Variants in NR4A1 observed in about 807,000 individuals in gnomAD.
NR4A1 encodes the protein nuclear receptor subfamily 4immunitygroup A member 1.
Under a neutral mutation model 47.5 loss-of-function variants are expected in NR4A1, and 24 were observed. That is an observed-to-expected ratio of 0.50 (90% CI 0.37 to 0.71). The LOEUF (loss-of-function observed/expected upper bound fraction) is 0.71, where lower values mean the gene tolerates loss of function less well. Ranked by LOEUF, NR4A1 falls within the 30% of genes least tolerant of loss-of-function variation. NR4A1 has a pLI of 0.00. For missense variants in NR4A1, 669 were observed against 788.6 expected (o/e 0.85, Z 1.82); for synonymous variants, 353 against 345.7 (o/e 1.02, Z -0.24).
At chr12:52,057,624 C>G (rs967449048) in intron 6 of NR4A1, 94 bp downstream of exon 6, 7 of 1,433,234 alleles carry the variant, frequency 4.9e-6, no homozygotes, top group Non-Finnish European at 6.7e-6. Flanking sequence ...TTTGGTGGGC[C>G]GGGATCTAGC....
intron 2 of NR4A1, chr12:52,043,403 T>C (rs750218342): frequency 4.9e-6 from 1 of 204,952 alleles, no homozygotes; most frequent in Admixed American, 5.3e-5. Context: ...TACCTCGTTG[T>C]CTGGGTGATG....
chr12:52,046,631 A>G (rs776510460), upstream of NR4A1, among the ~76,000 whole-genome samples: 8 of 152,224 alleles, frequency 5.3e-5, no homozygotes, highest in Non-Finnish European at 1.0e-4. Context: ...AATAAATTAC[A>G]TCTGCATCTG....
chr12:52,037,051 C>A (rs1433218101), intron 1 of NR4A1: 1 of 151,342 alleles, frequency 6.6e-6, no homozygotes, highest in Non-Finnish European at 1.5e-5. Context: ...TATTTTTAGC[C>A]CCATTGATGA....
At chr12:52,031,995 C>T (rs1938138304) in intron 1 of NR4A1, among the ~76,000 whole-genome samples, 1 of 152,038 alleles carries the variant, frequency 6.6e-6, no homozygotes. Flanking sequence ...GGGGTTTCAC[C>T]ATGTTGGTCA....
intron 1 of NR4A1, among the ~76,000 whole-genome samples, chr12:52,027,258 T>C (rs1009828849): frequency 3.3e-5 from 5 of 152,180 alleles, no homozygotes; most frequent in Non-Finnish European, 7.4e-5. Context: ...GGAGACGTGA[T>C]GAATGGTCCC....
intron 1 of NR4A1, among the ~76,000 whole-genome samples, chr12:52,041,059 G>C (rs1565643024): frequency 6.6e-6 from 1 of 152,144 alleles, no homozygotes; most frequent in African/African-American, 2.4e-5. Context: ...AGGTGCCCAG[G>C]GTACCTTGGA....
chr12:52,034,513 T>C (rs1384419527), intron 1 of NR4A1, among the ~76,000 whole-genome samples: 3 of 152,156 alleles, frequency 2.0e-5, no homozygotes, highest in African/African-American at 7.2e-5. Context: ...CTATCTGCAA[T>C]AGGGGCTGTG....
In NR4A1 at chr12:52,055,189, C is replaced by T. The variant is rs753931294; in HGVS notation, c.861C>T (p.Cys287=). The change falls in exon 2 of 7, where the codon TGC becomes TGT. Residue 287 remains cysteine (C), a synonymous_variant. Coordinates refer to ENST00000394825, the MANE Select transcript of NR4A1 (RefSeq NM_173157.3). ...ATGGTGTCCGCACATGTGAGGGCTG[C>T]AAGGGCTTCTTCAAGGTACCGCGCA... ...QHYGVRTCEG[C]KGFFKRTVQK... The T allele has an allele frequency of 1.9e-6, 3 of 1,613,128 alleles. No homozygotes were observed. Among genetic ancestry groups the T allele is most frequent in the Non-Finnish European group, 1.7e-6 (2 of 1,180,046 alleles).
Position 52,054,474 on chromosome 12 carries a change from C to T in NR4A1, c.146C>T (p.Ala49Val), listed in dbSNP as rs1362176174. The change falls in exon 2 of 7, where the codon GCC (alanine) becomes GTC (valine). Residue 49 changes from alanine to valine, a missense_variant. Ala to Val is a moderately conservative substitution (Grantham distance 64, BLOSUM62 0). Coordinates refer to ENST00000394825, the MANE Select transcript of NR4A1 (RefSeq NM_173157.3). ...GAGGCAGCCCCCGCTGCCCCCACTG[C>T]CCTGCCCAGCTTCAGCACCTTCATG... ...SPEAAPAAPT[A>V]LPSFSTFMDG... The T allele has an allele frequency of 1.2e-6, 2 of 1,613,870 alleles. No individual in the cohort carries two copies. Among genetic ancestry groups the T allele is most frequent in the South Asian group, 1.1e-5 (1 of 91,086 alleles).
upstream of NR4A1, among the ~76,000 whole-genome samples, chr12:52,048,466 C>T (rs570789035): frequency 1.2e-4 from 19 of 152,118 alleles, no homozygotes; most frequent in South Asian, 3.9e-3. Context: ...TGGTGGCAGG[C>T]ACCTGTAGTC....
intron 2 of NR4A1, among the ~76,000 whole-genome samples, chr12:52,045,968 T>A (rs1179046001): frequency 1.3e-5 from 2 of 152,106 alleles, no homozygotes; most frequent in Non-Finnish European, 2.9e-5. Context: ...AGTGGCCGGG[T>A]CAGGGCTGGC....
chr12:52,057,518 G>T lies in NR4A1; in HGVS notation c.1528G>T (p.Val510Phe). The T allele has an allele frequency of 6.2e-7, 1 of 1,614,044 alleles. No individual in the cohort carries two copies. The highest frequency in any genetic ancestry group is 8.5e-7 in the Non-Finnish European group (1 of 1,180,036). ...TGCCTTCGCCTGCCTCTCTGCCCTT[G>T]TCCTCATCACCGGTGAGTGACCAGC... is the stretch of plus-strand genomic sequence containing the variant. ...VPAFACLSAL[V>F]LITDRHGLQE... is the part of the protein sequence containing the mutation. Residue 510 changes from valine (V) to phenylalanine (F), a missense_variant, in exon 6 of 7, where the codon GTC becomes TTC. Coordinates refer to ENST00000394825, the MANE Select transcript of NR4A1 (RefSeq NM_173157.3).
chr12:52,034,889 T>C (rs1277930424), intron 1 of NR4A1, among the ~76,000 whole-genome samples: 1 of 152,192 alleles, frequency 6.6e-6, no homozygotes, highest in Non-Finnish European at 1.5e-5. Flanking sequence ...AGATCTGCCA[T>C]GATGTGCCAG....
rs771535392 is a variant in NR4A1, at chr12:52,057,011, G to T, written c.1159-46G>T. On this transcript the variant is annotated intron_variant, in intron 4 of 6. Transcript: ENST00000394825. ...GACACAGCCATACGTGGCAGTGGGT[G>T]TAGGAGCCTGCCTGGGGTGCTGACC... The T allele has an allele frequency of 2.6e-6, 4 of 1,521,294 alleles. No homozygotes were observed. The East Asian group carries it at 7.3e-5, about 28-fold the overall frequency. 94.2% of individuals were successfully genotyped at this position (1,521,294 alleles called of 1,614,324 possible). A position where few individuals can be genotyped will look rare whatever the true frequency, so the allele number is the denominator to read the frequency against.
At chr12:52,058,019 T>G (rs747720554) in intron 6 of NR4A1, among the ~76,000 whole-genome samples, 5 of 152,090 alleles carry the variant, frequency 3.3e-5, no homozygotes, top group African/African-American at 4.8e-5. Flanking sequence ...GATGGGAATC[T>G]CACTATGTTG....
At chr12:52,041,187 C>CT (rs1291814596) in intron 1 of NR4A1, among the ~76,000 whole-genome samples, 7 of 152,050 alleles carry the variant, frequency 4.6e-5, no homozygotes, top group African/African-American at 1.7e-4. Flanking sequence ...TACACATTAA[C>CT]TTTTTTTTAA....
Position 52,057,262 on chromosome 12 carries a change from G to A in NR4A1, c.1361+3G>A, listed in dbSNP as rs1326348990. The A allele has an allele frequency of 1.9e-6, 3 of 1,613,336 alleles. No individual in the cohort carries two copies. The highest frequency in any genetic ancestry group is 2.5e-6 in the Non-Finnish European group (3 of 1,179,750). ...TTCATCCTCCGCCTGGCGTACAGGTGAGAGCCACTGACTGTCTGCCCAGCC... is the reference window on the plus strand; with the variant it reads ...TTCATCCTCCGCCTGGCGTACAGGTAAGAGCCACTGACTGTCTGCCCAGCC... On this transcript the variant is annotated splice_donor_region_variant and intron_variant, in intron 5 of 6. Coordinates refer to ENST00000394825, the MANE Select transcript of NR4A1 (RefSeq NM_173157.3).
chr12:52,052,304 T>A (rs10601450), intron 1 of NR4A1, among the ~76,000 whole-genome samples: 9,340 of 70,202 alleles, frequency 0.13, 387 homozygotes, highest in South Asian at 0.28. Context: ...TGTGTGTGTG[T>A]GAGAGAGAGA....
At chr12:52,024,248 A>G (rs1732236) in intron 1 of NR4A1, among the ~76,000 whole-genome samples, 75,623 of 152,204 alleles carry the variant, frequency 0.5, 19,979 homozygotes, top group African/African-American at 0.63. Context: ...AGTGGAAGGA[A>G]AACATAAGTC....
Sources: gnomAD v4.1 joint callset for allele counts (sites outside exome capture counted in the v4.1 genomes callset) on GRCh38, gnomAD v4.1.1 for gene constraint, MANE v1.5 for transcripts, NCBI Gene and HGNC (gene_info 2026-07-23, HGNC 2026-07-21) for gene names.